The following PHF24 variants were observed in gnomAD, a reference collection of about 807,000 sequenced individuals.
The protein encoded by PHF24 is Galpha inhibitory interacting protein.
PHF24 carries 25 observed loss-of-function variants against 42.6 expected under a neutral mutation model. The observed-to-expected ratio is 0.59, with a 90% confidence interval of 0.43 to 0.82. PHF24 has a LOEUF of 0.82. Among genes scored for constraint, PHF24 ranks in the 40% least tolerant of loss-of-function variants. PHF24 has a pLI of 0.00. For synonymous variants in PHF24, 185 were observed against 204.8 expected, an observed-to-expected ratio of 0.90 and a Z score of 0.83; for missense variants, 470 against 538.1, an observed-to-expected ratio of 0.87 and a Z score of 1.25.
chr9:34,923,066 AATC>A, the PHF24 span: 1 of 427,818 alleles, frequency 2.3e-6, no homozygotes, highest in Non-Finnish European at 4.0e-6. Flanking sequence ...TTTTTTTTTT[AATC>A]ATGAAGGGAT....
At chr9:34,946,865 G>A in the PHF24 span, among the ~76,000 whole-genome samples, 1 of 152,182 alleles carries the variant, frequency 6.6e-6, no homozygotes, top group African/African-American at 2.4e-5. Context: ...TAATTAATTT[G>A]CTCTGATGAA....
At chr9:34,752,090 T>A in the PHF24 span, among the ~76,000 whole-genome samples, 1 of 151,918 alleles carries the variant, frequency 6.6e-6, no homozygotes, top group Admixed American at 6.5e-5. Context: ...AGTGCCTACA[T>A]CAAAAAAGTA....
chr9:34,880,209 A>T, the PHF24 span, among the ~76,000 whole-genome samples: 2 of 152,038 alleles, frequency 1.3e-5, no homozygotes, highest in African/African-American at 4.8e-5. Context: ...AGCACTAAAC[A>T]TGGAAAGGAA....
chr9:34,875,827 G>A, the PHF24 span, among the ~76,000 whole-genome samples: 1 of 151,796 alleles, frequency 6.6e-6, no homozygotes, highest in Non-Finnish European at 1.5e-5. Context: ...TGTGGGCAGT[G>A]TCTGGGGCCT....
the PHF24 span, among the ~76,000 whole-genome samples, chr9:34,720,863 A>G: frequency 1.9e-3 from 295 of 152,104 alleles, no homozygotes; most frequent in African/African-American, 6.8e-3. Flanking sequence ...TCACCCACCT[A>G]TGTACTCACA....
the PHF24 span, among the ~76,000 whole-genome samples, chr9:34,846,621 A>G: frequency 6.6e-6 from 1 of 152,022 alleles, no homozygotes; most frequent in Non-Finnish European, 1.5e-5. Context: ...CCATTTGTCA[A>G]TTTTGGCTTT....
At chr9:34,717,208 A>G in the PHF24 span, among the ~76,000 whole-genome samples, 140,787 of 152,024 alleles carry the variant, frequency 0.93, 66,156 homozygotes, top group East Asian at 1. Flanking sequence ...AAAAACTATG[A>G]TTTAGAGTTT....
the PHF24 span, among the ~76,000 whole-genome samples, chr9:34,689,338 T>G: frequency 6.6e-6 from 1 of 152,054 alleles, no homozygotes; most frequent in African/African-American, 2.4e-5. This position sits in a 1 kb window ranked among gnomAD's most constrained non-coding sequence, Gnocchi z 4.1. Flanking sequence ...AGGCTGATCC[T>G]GAGAGCATCA....
At chr9:34,863,482 G>A in the PHF24 span, among the ~76,000 whole-genome samples, 3 of 152,142 alleles carry the variant, frequency 2.0e-5, no homozygotes, top group Non-Finnish European at 4.4e-5. Context: ...AGTAAGGGAA[G>A]AGAACAAGAG....
chr9:34,774,617 C>CA, the PHF24 span, among the ~76,000 whole-genome samples: 3 of 152,090 alleles, frequency 2.0e-5, 1 homozygote, highest in East Asian at 3.9e-4. Context: ...ACTAAAAATA[C>CA]AAAAAAATTA....
the PHF24 span, chr9:34,835,841 C>A: frequency 3.8e-6 from 5 of 1,332,556 alleles, no homozygotes; most frequent in Non-Finnish European, 4.2e-6. Context: ...GAATGGAGCT[C>A]TATACTCTGC....
chr9:34,778,431 G>A, the PHF24 span, among the ~76,000 whole-genome samples: 3 of 152,150 alleles, frequency 2.0e-5, no homozygotes, highest in Non-Finnish European at 4.4e-5. Flanking sequence ...ATAGCATAAG[G>A]TGTACCATGC....
At chr9:34,976,280 C>A in intron 4 of PHF24, 50 bp downstream of exon 4, 1 of 1,445,886 alleles carries the variant, frequency 6.9e-7, no homozygotes, top group South Asian at 1.1e-5. Flanking sequence ...GCAGATTTCT[C>A]CTTCAGGCTT....
At chr9:34,900,465 G>A in the PHF24 span, among the ~76,000 whole-genome samples, 1 of 152,142 alleles carries the variant, frequency 6.6e-6, no homozygotes, top group African/African-American at 2.4e-5. Flanking sequence ...CGGACATGGT[G>A]GTGTGCACCT....
At chr9:34,957,982 G>T (rs1826425596), upstream of PHF24, among the ~76,000 whole-genome samples, 1 of 151,308 alleles carries the variant, frequency 6.6e-6, no homozygotes, top group African/African-American at 2.4e-5. Context: ...GCTCGTGGGG[G>T]GCGCCCACGG....
At chr9:34,685,140 C>A in the PHF24 span, among the ~76,000 whole-genome samples, 2 of 152,130 alleles carry the variant, frequency 1.3e-5, no homozygotes, top group East Asian at 3.9e-4. Flanking sequence ...CGATCAGACG[C>A]CTGGCCCCAC....
At chr9:34,696,329 A>C in the PHF24 span, among the ~76,000 whole-genome samples, 6 of 152,042 alleles carry the variant, frequency 3.9e-5, no homozygotes, top group Non-Finnish European at 5.9e-5. Context: ...CTCTACTAAA[A>C]ATACAAAAAT....
At chr9:34,726,578 G>A in the PHF24 span, 6 of 1,551,986 alleles carry the variant, frequency 3.9e-6, no homozygotes, top group South Asian at 1.2e-5. Flanking sequence ...CCTTGAAGAA[G>A]CTATGGTGTT....
the PHF24 span, among the ~76,000 whole-genome samples, chr9:34,733,803 A>G: frequency 6.7e-3 from 1,024 of 152,220 alleles, 14 homozygotes; most frequent in African/African-American, 0.023. Flanking sequence ...GTGCCCGGCC[A>G]TGGCTTCTGT....
Sources: allele counts gnomAD v4.1 joint callset (sites outside exome capture counted in the v4.1 genomes callset), GRCh38; gene constraint gnomAD v4.1.1; non-coding constraint Gnocchi (gnomAD v3.1); transcripts MANE v1.5; gene names NCBI Gene and HGNC (gene_info 2026-07-23, HGNC 2026-07-21).